Variants in CS observed in about 807,000 individuals in gnomAD.
CS encodes citrate synthase, also known as citrate synthase, mitochondrial.
Under a neutral mutation model 61.4 loss-of-function variants are expected in CS, and 13 were observed. That is an observed-to-expected ratio of 0.21 (90% CI 0.14 to 0.34). CS has a LOEUF of 0.34. CS is among the 10% of genes least tolerant of loss of function. CS has a pLI of 1.00. For synonymous variants in CS, 159 were observed against 215.2 expected (o/e 0.74, Z 2.29); for missense variants, 278 against 573.4 (o/e 0.48, Z 5.26).
intron 3 of CS, among the ~76,000 whole-genome samples, chr12:56,284,954 T>A (rs1234657206): frequency 2.6e-5 from 4 of 151,820 alleles, no homozygotes; most frequent in South Asian, 2.1e-4. Context: ...TGATCTTTTT[T>A]TTTTTCCCCC....
In CS at chr12:56,272,061, C is replaced by T. The variant is rs1872531279; in HGVS notation, c.*1023G>A. 1 of 373,644 alleles carries T rather than the reference C, an allele frequency of 2.7e-6. No individual in the cohort carries two copies. Among genetic ancestry groups the T allele is most frequent in the Non-Finnish European group, 5.3e-6 (1 of 188,424 alleles). 23.1% of individuals were successfully genotyped at this position (373,644 alleles called of 1,614,324 possible). On this transcript the variant is annotated 3_prime_UTR_variant, in exon 11 of 11. Coordinates refer to ENST00000351328, the MANE Select transcript of CS (RefSeq NM_004077.3). ...GGAGGGAGGCTTACTATTTTTAATG[C>T]CCTCAGCCCCAGTACCTGATAATCA...
At position 56,276,017 on chromosome 12, in the gene CS, C is replaced by T; in HGVS notation, c.767G>A (p.Arg256His). Residue 256 changes from arginine (R) to histidine (H), a missense_variant, in exon 7 of 11, where the codon CGC becomes CAC. Physicochemically the swap from Arg to His is conservative, Grantham distance 29 (BLOSUM62 0). Coordinates refer to ENST00000351328, the MANE Select transcript of CS (RefSeq NM_004077.3). ...YTDHQFTELTRLYLTIHSDHE... is the reference protein window; with the variant it reads ...YTDHQFTELTHLYLTIHSDHE... Reference sequence around the variant, plus strand: ...TTACCTGTGGATGGTGAGGTACAGGCGCGTGAGCTCAGTGAACTGATGATC... The same window carrying T: ...TTACCTGTGGATGGTGAGGTACAGGTGCGTGAGCTCAGTGAACTGATGATC... The T allele has an allele frequency of 6.2e-7, 1 of 1,614,100 alleles. No individual in the cohort carries two copies. The highest frequency in any genetic ancestry group is 1.1e-5 in the South Asian group (1 of 91,080).
rs1212928888 is a variant in CS at position 56,273,659 on chromosome 12, A to C, written c.1158T>G (p.Asn386Lys). Residue 386 changes from asparagine to lysine, a missense_variant, in exon 10 of 11, where the codon AAT (asparagine) becomes AAG (lysine). Asn to Lys is a moderately conservative substitution (Grantham distance 94, BLOSUM62 0). Coordinates refer to ENST00000351328, the MANE Select transcript of CS (RefSeq NM_004077.3). Reference protein sequence around the residue: ...LVAQLYKIVPNVLLEQGKAKN... With the variant: ...LVAQLYKIVPKVLLEQGKAKN... The stretch of plus-strand genomic sequence containing the variant: ...TGGCTTTACCCTGCTCTAAGAGGAC[A>C]TTGGGCACAATCTTGTACAGCTGAG... 3 of 1,614,170 alleles carry C rather than the reference A, an allele frequency of 1.9e-6. No individual in the cohort carries two copies. The South Asian group carries it at 3.3e-5, about 18-fold the overall frequency.
intron 6 of CS, among the ~76,000 whole-genome samples, chr12:56,278,771 A>AT (rs1872694515): frequency 6.6e-6 from 1 of 150,886 alleles, no homozygotes; most frequent in East Asian, 2.0e-4. Flanking sequence ...AAAAGCATAT[A>AT]TTTTTGGTTT....
At chr12:56,291,245 G>A in intron 1 of CS, 1 of 1,136,554 alleles carries the variant, frequency 8.8e-7, no homozygotes, top group Non-Finnish European at 1.1e-6. Flanking sequence ...CTTCCTGGGA[G>A]TTGGATCCCA....
chr12:56,286,187 A>G (rs77032009), intron 2 of CS, 164 bp from the exon 3 acceptor site: 31,153 of 606,334 alleles, frequency 0.051, 1,025 homozygotes, highest in Non-Finnish European at 0.066. Context: ...GGCAGGGGGA[A>G]GAAGGAATGA....
chr12:56,273,400 A>G, intron 10 of CS, 146 bp from the exon 11 acceptor site: 1 of 995,694 alleles, frequency 1.0e-6, no homozygotes, highest in Non-Finnish European at 1.5e-6. Flanking sequence ...TGACACTGAG[A>G]AAAGTATAGC....
intron 5 of CS, 100 bp downstream of exon 5, chr12:56,282,760 C>T (rs1035975617): frequency 3.1e-5 from 48 of 1,570,022 alleles, no homozygotes; most frequent in African/African-American, 2.4e-4. Context: ...CCCTTCACTA[C>T]GCATCTCTAT....
At chr12:56,291,211 A>C in intron 1 of CS, 1 of 1,180,386 alleles carries the variant, frequency 8.5e-7, no homozygotes, top group Non-Finnish European at 1.1e-6. Flanking sequence ...GTGTTGGCCT[A>C]TCACCTACCA....
chr12:56,282,936 G>C lies in CS; in HGVS notation c.323C>G (p.Ala108Gly). 6.2e-7 allele frequency: 1 copy of C among 1,614,160 alleles called. No individual in the cohort carries two copies. Among genetic ancestry groups the C allele is most frequent in the Non-Finnish European group, 8.5e-7 (1 of 1,180,014 alleles). ...AGGCAGGGGTTCTTCCCCACCCTTA[G>C]CCTTGGGTAGCAGTTTCTGGCATTC... ...IPECQKLLPK[A>G]KGGEEPLPEG... The change falls in exon 5 of 11, where the codon GCT (alanine) becomes GGT (glycine). Residue 108 changes from alanine to glycine, a missense_variant. Ala to Gly is a moderately conservative substitution (Grantham distance 60, BLOSUM62 0). Coordinates refer to ENST00000351328, the MANE Select transcript of CS (RefSeq NM_004077.3).
chr12:56,279,921 T>C (rs565497310), intron 6 of CS, among the ~76,000 whole-genome samples: 3 of 151,330 alleles, frequency 2.0e-5, no homozygotes, highest in Non-Finnish European at 4.4e-5. Context: ...TGAGCTGAGA[T>C]TGTGTCACTG....
chr12:56,283,989 T>A (rs1024172536), intron 3 of CS, 132 bp from the exon 4 acceptor site: 1 of 681,762 alleles, frequency 1.5e-6, no homozygotes, highest in Non-Finnish European at 2.5e-6. Context: ...TAAGACTTCA[T>A]TTGGTGAGAG....
At chr12:56,273,508 A>G in intron 10 of CS, 79 bp downstream of exon 10, 2 of 1,381,900 alleles carry the variant, frequency 1.4e-6, no homozygotes, top group Non-Finnish European at 2.0e-6. Context: ...TCTGACTAGG[A>G]GTTAATTGAC....
chr12:56,277,111 GGA>G (rs1260573925), intron 6 of CS, among the ~76,000 whole-genome samples: 1 of 151,716 alleles, frequency 6.6e-6, no homozygotes, highest in Non-Finnish European at 1.5e-5. Flanking sequence ...GGCTGAGGCA[GGA>G]GAATTGCTTG....
chr12:56,271,845 G>C lies in CS; in HGVS notation c.*1239C>G. On this transcript the variant is annotated 3_prime_UTR_variant, in exon 11 of 11. Transcript: ENST00000351328. Reference sequence around the variant, plus strand: ...GGTATCCACACAAACACAGGCAGGAGTTTGGAGGAAAGATGGGGGCACAGC... The same window carrying C: ...GGTATCCACACAAACACAGGCAGGACTTTGGAGGAAAGATGGGGGCACAGC... 2.2e-6 allele frequency: 1 copy of C among 456,362 alleles called. No homozygotes were observed. The highest frequency in any genetic ancestry group is 4.4e-6 in the Non-Finnish European group (1 of 226,736). 28.3% of individuals were successfully genotyped at this position (456,362 alleles called of 1,614,324 possible).
intron 6 of CS, among the ~76,000 whole-genome samples, chr12:56,281,285 G>C (rs1872770053): frequency 1.3e-5 from 2 of 152,236 alleles, no homozygotes; most frequent in South Asian, 4.1e-4. Flanking sequence ...TGGGGTACTA[G>C]AAGAGGATGG....
intron 1 of CS, among the ~76,000 whole-genome samples, chr12:56,290,499 C>G (rs934480272): frequency 6.6e-6 from 1 of 152,094 alleles, no homozygotes; most frequent in African/African-American, 2.4e-5. Context: ...CGTGAGCCAC[C>G]GCGCTCAGCC....
chr12:56,274,322 A>T, intron 9 of CS: 1 of 152,848 alleles, frequency 6.5e-6, no homozygotes, highest in Non-Finnish European at 1.4e-5. Context: ...ACTGTCTTTA[A>T]AAAAAAAAAA....
Position 56,295,445 on chromosome 12 carries a change from C to T in CS, c.42+4715G>A, listed in dbSNP as rs560586704. Among the ~76,000 whole-genome samples, 11 of 151,246 alleles carry T rather than the reference C, an allele frequency of 7.3e-5. No homozygotes were observed. The South Asian group carries it at 8.4e-4, about 12-fold the overall frequency. On this transcript the variant is annotated intron_variant, in intron 1 of 10. Coordinates refer to ENST00000351328, the MANE Select transcript of CS (RefSeq NM_004077.3). ...CTGAGGCAGGAGAATAGCTTGAACC[C>T]GGGAGGCAGAGGTTGCAGTGAGCCG...
Sources: gnomAD v4.1 joint callset for allele counts (sites outside exome capture counted in the v4.1 genomes callset) on GRCh38, gnomAD v4.1.1 for gene constraint, MANE v1.5 for transcripts, NCBI Gene and HGNC (gene_info 2026-07-23, HGNC 2026-07-21) for gene names.